The following VAV2 variants were observed in gnomAD, a reference collection of about 807,000 sequenced individuals.
VAV2 encodes vav guanine nucleotide exchange factor 2, also known as guanine nucleotide exchange factor VAV2.
VAV2 carries 67 observed loss-of-function variants against 132.5 expected under a neutral mutation model. The observed-to-expected ratio is 0.51, with a 90% CI of 0.42 to 0.62. The LOEUF is 0.62. Ranked by LOEUF, VAV2 falls within the 20% of genes least tolerant of loss-of-function variation. VAV2 has a pLI of 0.00. For synonymous variants in VAV2, 492 were observed against 443.5 expected (o/e 1.11, Z -1.37); for missense variants, 938 against 1,153.6 (o/e 0.81, Z 2.71).
Position 133,883,006 on chromosome 9 carries a change from T to TGTGGGCCCCACACCCACCCCATGCCAGGC in VAV2, c.322-21603_322-21575dup. Among the ~76,000 whole-genome samples the TGTGGGCCCCACACCCACCCCATGCCAGGC allele has an allele frequency of 6.6e-6, 1 of 152,246 alleles. No individual in the cohort carries two copies. Among genetic ancestry groups the TGTGGGCCCCACACCCACCCCATGCCAGGC allele is most frequent in the East Asian group, 1.9e-4 (1 of 5,162 alleles). On this transcript the variant is annotated intron_variant, in intron 2 of 29. Transcript: ENST00000371850. The surrounding 1 kb of genome is among the most constrained non-coding windows in gnomAD (Gnocchi z 4.2). ...GGCCTCTGGCACCCTGGGTTCGGGA[T>TGTGGGCCCCACACCCACCCCATGCCAGGC]GTGGGCCCCACACCCACCCCATGCC...
chr9:133,765,248 A>T (rs941882777), intron 29 of VAV2, among the ~76,000 whole-genome samples: 3 of 152,246 alleles, frequency 2.0e-5, no homozygotes, highest in African/African-American at 7.2e-5. Flanking sequence ...ATATTTACCT[A>T]ACCTCAAAGT....
At chr9:133,825,410 C>G (rs915760781) in intron 4 of VAV2, among the ~76,000 whole-genome samples, 1 of 151,744 alleles carries the variant, frequency 6.6e-6, no homozygotes, top group African/African-American at 2.4e-5. Flanking sequence ...TGCCTGGGGC[C>G]GGGGGCTGTC....
chr9:133,810,165 C>T (rs1452854086), intron 6 of VAV2, 26 bp downstream of exon 6: 2 of 1,613,076 alleles, frequency 1.2e-6, no homozygotes, highest in Non-Finnish European at 1.7e-6. Context: ...CAGGACGTCC[C>T]CAGCCTCCCC....
In VAV2 at chr9:133,783,545, C is replaced by T. The variant is rs766333869; in HGVS notation, c.1681G>A (p.Ala561Thr). The T allele has an allele frequency of 5.0e-6, 8 of 1,613,846 alleles. No homozygotes were observed. Among genetic ancestry groups the T allele is most frequent in the Non-Finnish European group, 6.8e-6 (8 of 1,179,958 alleles). Residue 561 changes from alanine (A) to threonine (T), a missense_variant, in exon 19 of 30, where the codon GCA becomes ACA. Coordinates refer to ENST00000371850, the MANE Select transcript of VAV2 (RefSeq NM_001134398.2). The stretch of plus-strand genomic sequence containing the variant: ...ATCACTTCCAGGCACTCCTTGTGTG[C>T]CCCGACGCCACACTTGGTACACATG... The part of the protein sequence containing the change: ...GYMCTKCGVG[A>T]HKECLEVIPP...
At chr9:133,771,886 C>G in intron 26 of VAV2, 73 bp downstream of exon 26, 1 of 1,394,396 alleles carries the variant, frequency 7.2e-7, no homozygotes, top group South Asian at 1.2e-5. Context: ...CATGGCCACT[C>G]GCTCAGGGCC....
At chr9:133,773,113 C>T (rs1171376820) in intron 25 of VAV2, among the ~76,000 whole-genome samples, 8 of 141,240 alleles carry the variant, frequency 5.7e-5, no homozygotes, top group Non-Finnish European at 9.4e-5. Context: ...GCCTACTGCA[C>T]ACCCCACACC....
rs185646379 is a variant in VAV2, at chr9:133,856,183, G to A, written c.380+5191C>T. 3.9e-3 allele frequency among the ~76,000 whole-genome samples: 597 copies of A among 152,352 alleles called. 1 individual carries two copies. Among genetic ancestry groups the A allele is most frequent in the African/African-American group, 0.014 (572 of 41,582 alleles). On this transcript the variant is annotated intron_variant, in intron 3 of 29. Coordinates refer to ENST00000371850, the MANE Select transcript of VAV2 (RefSeq NM_001134398.2). ...GGCGACCGGTTTCTTCCTGGGGTGTGAAGATGTTGTGAAAGCAGATAGAGG... is the reference window on the plus strand; with the variant it reads ...GGCGACCGGTTTCTTCCTGGGGTGTAAAGATGTTGTGAAAGCAGATAGAGG...
intron 3 of VAV2, among the ~76,000 whole-genome samples, chr9:133,860,186 C>T (rs1837541103): frequency 6.6e-6 from 1 of 151,748 alleles, no homozygotes; most frequent in South Asian, 2.1e-4. Flanking sequence ...CCTGTAATCC[C>T]AGCTACTCAG....
At chr9:133,809,005 G>A (rs372868759) in intron 7 of VAV2, 35 bp downstream of exon 7, 32 of 1,585,468 alleles carry the variant, frequency 2.0e-5, no homozygotes, top group South Asian at 3.3e-5. Flanking sequence ...CACAGTGGCC[G>A]CTGCCATTTT....
chr9:133,808,185 G>A (rs1835224635), intron 7 of VAV2, among the ~76,000 whole-genome samples: 1 of 152,224 alleles, frequency 6.6e-6, no homozygotes, highest in African/African-American at 2.4e-5. Context: ...AGAAGCCAGG[G>A]CATGGGCAGG....
In VAV2 at chr9:133,770,395, G is replaced by T; in HGVS notation, c.2330C>A (p.Ala777Asp). Residue 777 changes from alanine to aspartate, a missense_variant, in exon 27 of 30, where the codon GCC (alanine) becomes GAC (aspartate). Transcript: ENST00000371850. ...YKSRERSASR[A>D]SSRSPASCAS... is the part of the protein sequence containing the mutation. ...GGCGTTACCTGGGGACCGGCTGGAG[G>T]CCCTGGAGGCCGAACGTTCCCGGGA... 1 of 1,614,030 alleles carries T rather than the reference G, an allele frequency of 6.2e-7. No homozygotes were observed. The highest frequency in any genetic ancestry group is 8.5e-7 in the Non-Finnish European group (1 of 1,179,906).
chr9:133,783,606 G>T lies in VAV2; in HGVS notation c.1635-15C>A, dbSNP rs369834651. The T allele has an allele frequency of 4.3e-6, 7 of 1,613,416 alleles. No homozygotes were observed. The highest frequency in any genetic ancestry group is 5.9e-6 in the Non-Finnish European group (7 of 1,179,662). ...AGAAGGTGCCCCTGCACAGGGGAGGGCAGGAGGTGAGGTCGAGGCTGGGGT... is the reference window on the plus strand; with the variant it reads ...AGAAGGTGCCCCTGCACAGGGGAGGTCAGGAGGTGAGGTCGAGGCTGGGGT... On this transcript the variant is annotated splice_polypyrimidine_tract_variant and intron_variant, in intron 18 of 29. Transcript: ENST00000371850.
chr9:133,811,273 G>A (rs1263699837), intron 5 of VAV2, among the ~76,000 whole-genome samples: 1 of 152,258 alleles, frequency 6.6e-6, no homozygotes, highest in African/African-American at 2.4e-5. Flanking sequence ...CTCCCAGCAG[G>A]ATGCCAGCAG....
At chr9:133,901,258 G>A (rs577929636) in intron 2 of VAV2, among the ~76,000 whole-genome samples, 4 of 152,198 alleles carry the variant, frequency 2.6e-5, no homozygotes, top group African/African-American at 9.6e-5. Context: ...TTTATTGGGC[G>A]CTTGCCATTC....
At chr9:133,822,452 G>T (rs1296474271) in intron 4 of VAV2, among the ~76,000 whole-genome samples, 2 of 152,170 alleles carry the variant, frequency 1.3e-5, no homozygotes, top group African/African-American at 4.8e-5. Flanking sequence ...GGAACTGGAT[G>T]GTGTGCATGT....
Position 133,883,044 on chromosome 9 carries a change from C to T in VAV2, c.322-21612G>A, listed in dbSNP as rs1385383600. On this transcript the variant is annotated intron_variant, in intron 2 of 29. Coordinates refer to ENST00000371850, the MANE Select transcript of VAV2 (RefSeq NM_001134398.2). This position sits in a 1 kb window ranked among gnomAD's most constrained non-coding sequence, Gnocchi z 4.2. ...CCCACCCCATGCCAGGCTTGGCCCC[C>T]TAATGGCCCTCTTTCCCAGGGAACA... Among the ~76,000 whole-genome samples the T allele has an allele frequency of 6.6e-6, 1 of 152,106 alleles. No homozygotes were observed. The highest frequency in any genetic ancestry group is 1.9e-4 in the East Asian group (1 of 5,162).
intron 2 of VAV2, among the ~76,000 whole-genome samples, chr9:133,896,551 C>G (rs1487945823): frequency 6.6e-6 from 1 of 152,218 alleles, no homozygotes; most frequent in Non-Finnish European, 1.5e-5. Context: ...AGCGTCAGAT[C>G]TAGGCAACTT....
chr9:133,892,891 G>A (rs911178991), intron 2 of VAV2, among the ~76,000 whole-genome samples: 1 of 152,172 alleles, frequency 6.6e-6, no homozygotes, highest in Non-Finnish European at 1.5e-5. Flanking sequence ...AGAGCCAAGC[G>A]GTCTCCATCC....
At chr9:133,952,110 A>C (rs960585895) in intron 1 of VAV2, among the ~76,000 whole-genome samples, 7 of 152,068 alleles carry the variant, frequency 4.6e-5, no homozygotes, top group African/African-American at 1.7e-4. Flanking sequence ...TTACCTCAAA[A>C]GGCCCCAGCT....
Sources: gnomAD v4.1 joint callset for allele counts (sites outside exome capture counted in the v4.1 genomes callset) on GRCh38, gnomAD v4.1.1 for gene constraint, Gnocchi (gnomAD v3.1) non-coding constraint, MANE v1.5 for transcripts, NCBI Gene and HGNC (gene_info 2026-07-23, HGNC 2026-07-21) for gene names.